Variants in MYOM1 observed in about 807,000 individuals in gnomAD.
MYOM1 encodes the protein myomesin 1.
Under a neutral mutation model 205.3 loss-of-function variants are expected in MYOM1, and 164 were observed. The ratio of observed to expected loss-of-function variants is 0.80; its 90% confidence interval spans 0.70 to 0.91. The LOEUF is 0.91. Among genes scored for constraint, MYOM1 ranks in the 40% least tolerant of loss-of-function variants. The pLI, the probability that MYOM1 is intolerant of heterozygous loss-of-function variation, is 0.00. For synonymous variants in MYOM1, 772 were observed against 789.4 expected (o/e 0.98, Z 0.37); for missense variants, 2,011 against 2,127.3 (o/e 0.95, Z 1.08).
chr18:3,125,633 G>A (rs1284375640), intron 19 of MYOM1, among the ~76,000 whole-genome samples: 1 of 151,926 alleles, frequency 6.6e-6, no homozygotes, highest in Non-Finnish European at 1.5e-5. Flanking sequence ...AATTTCAAAT[G>A]TTAAATTAAA....
chr18:3,072,371 T>TTTTTTTTTTTTTTTTTG (rs2078969735), intron 36 of MYOM1, among the ~76,000 whole-genome samples: 3 of 132,412 alleles, frequency 2.3e-5, no homozygotes, highest in Non-Finnish European at 3.2e-5. Context: ...TTTTTTTTTT[T>TTTTTTTTTTTTTTTTTG]GAGGCAGAGT....
At chr18:3,112,584 G>C (rs2079543612) in intron 21 of MYOM1, among the ~76,000 whole-genome samples, 172 bp from the exon 22 acceptor site, 1 of 152,218 alleles carries the variant, frequency 6.6e-6, no homozygotes, top group South Asian at 2.1e-4. Context: ...GGTGACTTTA[G>C]CTGTAGATGG....
intron 33 of MYOM1, among the ~76,000 whole-genome samples, chr18:3,080,500 C>T (rs2079072430): frequency 6.6e-6 from 1 of 151,752 alleles, no homozygotes; most frequent in African/African-American, 2.4e-5. Flanking sequence ...ATGGTGAAAC[C>T]CTGTCTCTAC....
At chr18:3,139,573 G>C (rs947317005) in intron 14 of MYOM1, among the ~76,000 whole-genome samples, 2 of 152,298 alleles carry the variant, frequency 1.3e-5, no homozygotes, top group African/African-American at 4.8e-5. Flanking sequence ...CCTTTAGAAA[G>C]GTTAGCATAT....
At chr18:3,191,911 T>C (rs916033177) in intron 3 of MYOM1, among the ~76,000 whole-genome samples, 20 of 152,228 alleles carry the variant, frequency 1.3e-4, no homozygotes, top group African/African-American at 4.3e-4. Flanking sequence ...TTAGCCAGGA[T>C]GGTCTCAATC....
In MYOM1 at chr18:3,209,910, G is replaced by T. The variant is rs57962826; in HGVS notation, c.290+5024C>A. Among the ~76,000 whole-genome samples, 1,150 of 152,282 alleles carry T rather than the reference G, an allele frequency of 7.6e-3. 16 individuals are homozygous for T. The highest frequency in any genetic ancestry group is 0.026 in the African/African-American group (1,091 of 41,554). ...TAATATAATAGATTCAATACAATGT[G>T]CTTGGTAATTTATCCCAAGCACCTA... On this transcript the variant is annotated intron_variant, in intron 2 of 37. Coordinates refer to ENST00000356443, the MANE Select transcript of MYOM1 (RefSeq NM_003803.4). This position sits in a 1 kb window ranked among gnomAD's most constrained non-coding sequence, Gnocchi z 4.0.
intron 2 of MYOM1, among the ~76,000 whole-genome samples, chr18:3,208,015 T>A (rs548847050): frequency 9.8e-5 from 15 of 152,356 alleles, no homozygotes; most frequent in Admixed American, 2.0e-4. Context: ...TTAAATTATA[T>A]GAACTTTTGG....
intron 9 of MYOM1, among the ~76,000 whole-genome samples, 186 bp from the exon 10 acceptor site, chr18:3,164,625 G>C (rs930656870): frequency 6.6e-6 from 1 of 152,150 alleles, no homozygotes; most frequent in Admixed American, 6.5e-5. Context: ...CAAAAGTAAG[G>C]GGATAAGGGG....
chr18:3,120,160 A>T (rs1366105556), intron 19 of MYOM1, among the ~76,000 whole-genome samples, 165 bp from the exon 20 acceptor site: 1 of 151,956 alleles, frequency 6.6e-6, no homozygotes, highest in African/African-American at 2.4e-5. Context: ...TGAAACCGTG[A>T]CCTCCTTGTA....
rs936064897 is a variant in MYOM1 at position 3,112,404 on chromosome 18, G to T, written c.3312C>A (p.Gly1104=). 9.4e-6 allele frequency: 15 copies of T among 1,599,746 alleles called. No individual in the cohort carries two copies. Among genetic ancestry groups the T allele is most frequent in the Non-Finnish European group, 1.2e-5 (14 of 1,170,638 alleles). The part of the protein sequence containing the change: ...AIKNVYLKVR[G]LKEGVSYVFR... ...ACACGTAGCTGACGCCCTCCTTGAGGCCTCGAACCTGGTAGAAGCAGGTGT... is the reference window on the plus strand; with the variant it reads ...ACACGTAGCTGACGCCCTCCTTGAGTCCTCGAACCTGGTAGAAGCAGGTGT... The change falls in exon 22 of 38, where the codon GGC becomes GGA. Residue 1104 remains glycine (G), a synonymous_variant. Transcript: ENST00000356443.
In MYOM1 at chr18:3,072,008, T is replaced by C. The variant is rs142492764; in HGVS notation, c.4709-119A>G. The C allele has an allele frequency of 1.3e-5, 12 of 889,404 alleles. No homozygotes were observed. In the African/African-American group the frequency reaches 1.8e-4, roughly 14 times the overall value. The allele number at this position is 889,404 out of a possible 1,614,324, so 55.1% of individuals were successfully genotyped here. A position where few individuals can be genotyped will look rare whatever the true frequency, so the allele number is the denominator to read the frequency against. On this transcript the variant is annotated intron_variant, in intron 36 of 37. Coordinates refer to ENST00000356443, the MANE Select transcript of MYOM1 (RefSeq NM_003803.4). Reference sequence around the variant, plus strand: ...TTTCCTTCTCCTGATAGTTCTTTTATACAGTTTTCAACATGCAAAAAAAGA... The same window carrying C: ...TTTCCTTCTCCTGATAGTTCTTTTACACAGTTTTCAACATGCAAAAAAAGA...
intron 4 of MYOM1, 110 bp downstream of exon 4, chr18:3,188,634 GAAAA>G: frequency 1.1e-6 from 1 of 890,342 alleles, no homozygotes; most frequent in Non-Finnish European, 1.5e-6. Flanking sequence ...ATCTCAAAAG[GAAAA>G]AAAAAAAGAA....
chr18:3,229,620 C>T, the MYOM1 span, among the ~76,000 whole-genome samples: 1 of 152,152 alleles, frequency 6.6e-6, no homozygotes, highest in South Asian at 2.1e-4. Flanking sequence ...ACTCTTTCCT[C>T]ATTGCCCCAT....
At chr18:3,173,006 A>T (rs1286397772) in intron 8 of MYOM1, among the ~76,000 whole-genome samples, 4 of 152,236 alleles carry the variant, frequency 2.6e-5, no homozygotes, top group Non-Finnish European at 5.9e-5. Context: ...CTAACCAGCC[A>T]GGTGAAAAAC....
intron 9 of MYOM1, 52 bp from the exon 10 acceptor site, chr18:3,164,491 C>T: frequency 6.7e-7 from 1 of 1,483,596 alleles, no homozygotes; most frequent in Non-Finnish European, 9.1e-7. Flanking sequence ...TTTATAACTT[C>T]CTTCTTGTCT....
the MYOM1 span, chr18:3,247,321 C>G: frequency 6.6e-6 from 1 of 152,318 alleles, no homozygotes; most frequent in African/African-American, 2.4e-5. Context: ...CGCACTGCTC[C>G]GGGGCCCTCA....
At position 3,187,352 on chromosome 18, in the gene MYOM1, T is replaced by G; in HGVS notation, c.929+128A>C. The G allele has an allele frequency of 5.6e-6, 6 of 1,079,494 alleles. No individual in the cohort carries two copies. In the South Asian group the frequency reaches 1.1e-4, roughly 20 times the overall value. The allele number at this position is 1,079,494 out of a possible 1,614,324, so 66.9% of individuals were successfully genotyped here. A position where few individuals can be genotyped will look rare whatever the true frequency, so the allele number is the denominator to read the frequency against. On this transcript the variant is annotated intron_variant, in intron 5 of 37. Coordinates refer to ENST00000356443, the MANE Select transcript of MYOM1 (RefSeq NM_003803.4). ...CTCAATGCCTACCCTTCTTCACTCT[T>G]TTAAAAACCTATACAATCTTGTAGA...
At chr18:3,154,873 A>T in intron 11 of MYOM1, 74 bp downstream of exon 11, 10 of 1,494,602 alleles carry the variant, frequency 6.7e-6, no homozygotes, top group Non-Finnish European at 9.1e-6. Context: ...TATTTCCACT[A>T]GAAATGATGG....
At chr18:3,147,528 G>C (rs181052816) in intron 13 of MYOM1, among the ~76,000 whole-genome samples, 190 of 152,044 alleles carry the variant, frequency 1.2e-3, no homozygotes, top group African/African-American at 4.1e-3. Context: ...AACAACTTTG[G>C]GGGGGAAAAA....
Sources: gnomAD v4.1 joint callset for allele counts (sites outside exome capture counted in the v4.1 genomes callset) on GRCh38, gnomAD v4.1.1 for gene constraint, Gnocchi (gnomAD v3.1) non-coding constraint, MANE v1.5 for transcripts, NCBI Gene and HGNC (gene_info 2026-07-23, HGNC 2026-07-21) for gene names.